The following PDE4D variants were observed in gnomAD, a reference collection of about 807,000 sequenced individuals.
PDE4D encodes the protein 3',5'-cyclic-AMP phosphodiesterase 4D.
In PDE4D, 24 loss-of-function variants were observed where a neutral mutation model predicts 87.4. The ratio of observed to expected loss-of-function variants is 0.27; its 90% confidence interval spans 0.20 to 0.39. PDE4D has a LOEUF of 0.39. Ranked by LOEUF, PDE4D falls within the 10% of genes least tolerant of loss-of-function variation. PDE4D has a pLI of 1.00. For missense variants in PDE4D, 714 were observed against 1,041.0 expected (o/e 0.69, Z 4.32); for synonymous variants, 384 against 383.2 (o/e 1.00, Z -0.02).
chr5:59,674,739 T>C (rs1561453071), intron 1 of PDE4D, among the ~76,000 whole-genome samples: 1 of 152,222 alleles, frequency 6.6e-6, no homozygotes, highest in Non-Finnish European at 1.5e-5. Context: ...GAAACTCTTA[T>C]TTCTTACTCT....
chr5:59,903,675 T>A (rs999566863), intron 3 of PDE4D, among the ~76,000 whole-genome samples: 5 of 152,170 alleles, frequency 3.3e-5, no homozygotes, highest in Non-Finnish European at 5.9e-5. Flanking sequence ...CTATCCCGAT[T>A]GTACAGATAA....
chr5:59,047,851 T>C, intron 5 of PDE4D, among the ~76,000 whole-genome samples: 1 of 152,084 alleles, frequency 6.6e-6, no homozygotes. Flanking sequence ...AGGCCAGAGG[T>C]TGCTCTCTTT....
At chr5:59,868,107 G>A (rs1345372556) in intron 1 of PDE4D, among the ~76,000 whole-genome samples, 3 of 152,098 alleles carry the variant, frequency 2.0e-5, no homozygotes, top group East Asian at 1.9e-4. Flanking sequence ...AAAATGGCTC[G>A]GAGAAGTGAT....
At chr5:60,360,175 T>C (rs1759944197) in intron 1 of PDE4D, among the ~76,000 whole-genome samples, 1 of 152,134 alleles carries the variant, frequency 6.6e-6, no homozygotes, top group South Asian at 2.1e-4. Flanking sequence ...ACAGGTGGGA[T>C]TGCTCACACA....
chr5:59,580,187 C>G (rs539334356), intron 1 of PDE4D, among the ~76,000 whole-genome samples: 2 of 152,296 alleles, frequency 1.3e-5, no homozygotes, highest in South Asian at 4.1e-4. Flanking sequence ...ATATTGGGCT[C>G]TAAAATCAGG....
At chr5:59,502,705 TGTGTGTA>T (rs1808521629) in intron 1 of PDE4D, among the ~76,000 whole-genome samples, 1 of 149,270 alleles carries the variant, frequency 6.7e-6, no homozygotes, top group Non-Finnish European at 1.5e-5. Context: ...TGTGTGTGTG[TGTGTGTA>T]GTTTGTTTTA....
intron 2 of PDE4D, among the ~76,000 whole-genome samples, chr5:59,990,849 T>C (rs892900847): frequency 7.2e-5 from 11 of 152,122 alleles, no homozygotes; most frequent in African/African-American, 2.7e-4. Flanking sequence ...GACCTTTTGA[T>C]TTTAGCACTC....
At chr5:59,612,552 G>A (rs978225784) in intron 1 of PDE4D, among the ~76,000 whole-genome samples, 10 of 152,162 alleles carry the variant, frequency 6.6e-5, no homozygotes, top group East Asian at 3.9e-4. Context: ...CTCTTGAGTC[G>A]TGGTAGGAGA....
chr5:59,950,415 A>T (rs1002318962), intron 3 of PDE4D, among the ~76,000 whole-genome samples: 5 of 152,148 alleles, frequency 3.3e-5, no homozygotes, highest in Non-Finnish European at 7.4e-5. Context: ...AATTTATTTT[A>T]TAATTAGATC....
intron 2 of PDE4D, among the ~76,000 whole-genome samples, chr5:59,204,229 T>G (rs1748225877): frequency 6.6e-6 from 1 of 151,974 alleles, no homozygotes; most frequent in African/African-American, 2.4e-5. Flanking sequence ...CAAAAATCCT[T>G]AATTTTTGGC....
chr5:60,441,770 A>G (rs1466421868), intron 1 of PDE4D, among the ~76,000 whole-genome samples: 1 of 152,032 alleles, frequency 6.6e-6, no homozygotes, highest in African/African-American at 2.4e-5. Flanking sequence ...CATCAAAAAG[A>G]GGGTGAAGAA....
chr5:59,320,649 A>G (rs1276844847), intron 1 of PDE4D, among the ~76,000 whole-genome samples: 1 of 152,154 alleles, frequency 6.6e-6, no homozygotes, highest in Non-Finnish European at 1.5e-5. Context: ...TCATTTCATG[A>G]ATACAGCACA....
intron 1 of PDE4D, among the ~76,000 whole-genome samples, chr5:59,750,084 C>CTTTTTTTTTTT (rs35243469): frequency 7.6e-6 from 1 of 131,464 alleles, no homozygotes; most frequent in African/African-American, 2.9e-5. Context: ...GAATTATGAC[C>CTTTTTTTTTTT]TTTTTTTTTT....
chr5:59,685,403 G>T (rs748928662), intron 1 of PDE4D, among the ~76,000 whole-genome samples: 9 of 152,036 alleles, frequency 5.9e-5, no homozygotes, highest in Non-Finnish European at 1.3e-4. Context: ...GTCATAACAG[G>T]AATTCCTTCT....
At chr5:60,129,971 T>C (rs1388512355) in intron 2 of PDE4D, among the ~76,000 whole-genome samples, 3 of 152,148 alleles carry the variant, frequency 2.0e-5, no homozygotes, top group African/African-American at 7.2e-5. Context: ...GGGGTGATTA[T>C]ATCATGAAGG....
intron 2 of PDE4D, chr5:59,215,550 T>A: frequency 2.4e-6 from 1 of 418,022 alleles, no homozygotes; most frequent in Non-Finnish European, 4.0e-6. Context: ...AATAAATACA[T>A]GCGTGTGTGT....
intron 1 of PDE4D, among the ~76,000 whole-genome samples, chr5:60,217,966 A>G (rs1744056590): frequency 6.6e-6 from 1 of 152,004 alleles, no homozygotes; most frequent in Non-Finnish European, 1.5e-5. Context: ...AGTTAGTACT[A>G]TCACTTTGTA....
At chr5:59,527,020 T>C (rs973640273) in intron 1 of PDE4D, among the ~76,000 whole-genome samples, 1 of 152,146 alleles carries the variant, frequency 6.6e-6, no homozygotes, top group African/African-American at 2.4e-5. Flanking sequence ...CAAAGAATGT[T>C]TTTGGGAAAT....
chr5:59,715,055 T>C (rs1487206022), intron 1 of PDE4D, among the ~76,000 whole-genome samples: 1 of 152,254 alleles, frequency 6.6e-6, no homozygotes, highest in Non-Finnish European at 1.5e-5. Flanking sequence ...TATTCACTGA[T>C]AGAGAAGCAG....
Sources: gnomAD v4.1 joint callset for allele counts (sites outside exome capture counted in the v4.1 genomes callset) on GRCh38, gnomAD v4.1.1 for gene constraint, MANE v1.5 for transcripts, NCBI Gene and HGNC (gene_info 2026-07-23, HGNC 2026-07-21) for gene names.